ITM2B: variants seen among roughly 807,000 people sequenced by gnomAD.
ITM2B encodes integral membrane protein 2B.
In ITM2B, 11 loss-of-function variants were observed where a neutral mutation model predicts 27.8. That is an observed-to-expected ratio of 0.40 (90% CI 0.25 to 0.66). The LOEUF is 0.66. Among genes scored for constraint, ITM2B ranks in the 30% least tolerant of loss-of-function variants. The pLI is 0.43. For synonymous variants in ITM2B, 114 were observed against 114.3 expected, an observed-to-expected ratio of 1.00 and a Z score of 0.02; for missense variants, 296 against 328.9, an observed-to-expected ratio of 0.90 and a Z score of 0.77.
At chr13:48,253,169 A>G (rs543209931) in intron 1 of ITM2B, among the ~76,000 whole-genome samples, 1 of 152,286 alleles carries the variant, frequency 6.6e-6, no homozygotes, top group South Asian at 2.1e-4. Context: ...TTATCAGACC[A>G]TGGTTTAGGG....
intron 3 of ITM2B, among the ~76,000 whole-genome samples, chr13:48,256,765 T>G (rs1266629742): frequency 6.6e-6 from 1 of 152,238 alleles, no homozygotes; most frequent in Non-Finnish European, 1.5e-5. Context: ...TTTCCCCAGC[T>G]TTTGAGCATT....
At chr13:48,256,913 C>T (rs968623573) in intron 3 of ITM2B, among the ~76,000 whole-genome samples, 15 of 152,096 alleles carry the variant, frequency 9.9e-5, no homozygotes, top group African/African-American at 1.9e-4. Context: ...TGTCCTCCTA[C>T]GTAACCACAT....
chr13:48,250,122 T>A (rs1951745933), intron 1 of ITM2B, among the ~76,000 whole-genome samples: 1 of 152,196 alleles, frequency 6.6e-6, no homozygotes, highest in East Asian at 1.9e-4. Context: ...ACATTTGATT[T>A]CCCACAGGAT....
Position 48,256,801 on chromosome 13 carries a change from A to C in ITM2B, c.453+418A>C, listed in dbSNP as rs1347377869. Among the ~76,000 whole-genome samples the C allele has an allele frequency of 4.6e-5, 7 of 152,270 alleles. No homozygotes were observed. The South Asian group carries it at 8.3e-4, about 18-fold the overall frequency. On this transcript the variant is annotated intron_variant, in intron 3 of 5. Coordinates refer to ENST00000647800, the MANE Select transcript of ITM2B (RefSeq NM_021999.5). ...TTTATGTAATGCAGAAAAGTTGAAT[A>C]CCCAAAATCCTCCACTTTGTTCCAA... is the stretch of plus-strand genomic sequence containing the variant.
At chr13:48,250,024 G>A (rs558012943) in intron 1 of ITM2B, among the ~76,000 whole-genome samples, 6 of 152,112 alleles carry the variant, frequency 3.9e-5, no homozygotes, top group African/African-American at 9.6e-5. Flanking sequence ...TCCATGACTC[G>A]GATTGTATTA....
At position 48,270,196 on chromosome 13, in the gene ITM2B, C is replaced by A. The variant is rs1021040414; in HGVS notation, c.*8972C>A. 9 of 152,350 alleles carry A rather than the reference C, an allele frequency of 5.9e-5. No homozygotes were observed. Among genetic ancestry groups the A allele is most frequent in the African/African-American group, 2.2e-4 (9 of 41,566 alleles). The allele number at this position is 152,350 out of a possible 1,614,324, so 9.4% of individuals were successfully genotyped here. ...CTATGAGCATTGCTCCTTATCTATGCCTCTGCTCTTAGACTTTTCCATTCT... is the reference window on the plus strand; with the variant it reads ...CTATGAGCATTGCTCCTTATCTATGACTCTGCTCTTAGACTTTTCCATTCT... On this transcript the variant is annotated 3_prime_UTR_variant, in exon 6 of 6. Transcript: ENST00000647800.
intron 1 of ITM2B, among the ~76,000 whole-genome samples, chr13:48,253,266 GT>G (rs1367510322): frequency 6.6e-6 from 1 of 152,038 alleles, no homozygotes; most frequent in Non-Finnish European, 1.5e-5. Context: ...AATAATTTTA[GT>G]ATCATTGTTT....
Position 48,261,825 on chromosome 13 carries a change from A to C in ITM2B, c.*601A>C, listed in dbSNP as rs1951824873. The C allele has an allele frequency of 1.3e-5, 2 of 152,706 alleles. No homozygotes were observed. Among genetic ancestry groups the C allele is most frequent in the African/African-American group, 4.8e-5 (2 of 41,466 alleles). The allele number at this position is 152,706 out of a possible 1,614,324, so 9.5% of individuals were successfully genotyped here. A position where few individuals can be genotyped will look rare whatever the true frequency, so the allele number is the denominator to read the frequency against. On this transcript the variant is annotated 3_prime_UTR_variant, in exon 6 of 6. Coordinates refer to ENST00000647800, the MANE Select transcript of ITM2B (RefSeq NM_021999.5). ...AATAACTTGTGTTACTAATTTGTATAACCCATATCTGTGCAATGGAATATA... is the reference window on the plus strand; with the variant it reads ...AATAACTTGTGTTACTAATTTGTATCACCCATATCTGTGCAATGGAATATA...
At chr13:48,259,974 T>C (rs1046349950) in intron 5 of ITM2B, among the ~76,000 whole-genome samples, 1 of 152,056 alleles carries the variant, frequency 6.6e-6, no homozygotes, top group Non-Finnish European at 1.5e-5. Context: ...AATTAGGTAT[T>C]TCTCCTAATG....
rs1446033621 is a variant in ITM2B, at chr13:48,269,428, A to C, written c.*8204A>C. The C allele has an allele frequency of 6.6e-6, 1 of 152,180 alleles. No homozygotes were observed. The highest frequency in any genetic ancestry group is 2.4e-5 in the African/African-American group (1 of 41,432). The allele number at this position is 152,180 out of a possible 1,614,324, so 9.4% of individuals were successfully genotyped here. ...GAGCGATCTTTTCTAAATCTAAGCC[A>C]CATCATGTCACTCCCCTGCTCAAAT... On this transcript the variant is annotated 3_prime_UTR_variant, in exon 6 of 6. Coordinates refer to ENST00000647800, the MANE Select transcript of ITM2B (RefSeq NM_021999.5).
chr13:48,234,321 A>T (rs1488989516), intron 1 of ITM2B, among the ~76,000 whole-genome samples: 1 of 152,200 alleles, frequency 6.6e-6, no homozygotes, highest in Non-Finnish European at 1.5e-5. Flanking sequence ...TTAGTAGGTT[A>T]CGATCATATT....
intron 1 of ITM2B, 66 bp from the exon 2 acceptor site, chr13:48,253,742 C>A: frequency 6.8e-7 from 1 of 1,481,352 alleles, no homozygotes; most frequent in South Asian, 1.1e-5. Context: ...TAAGGTTTTT[C>A]TAGTCCTGAG....
rs147797026 is a variant in ITM2B at position 48,242,305 on chromosome 13, T to C, written c.117+8828T>C. ...AGAGAGGGTTCCTTAATTTTCTACATACTTACTGCTCATTCATTCCTCAGA... is the reference window on the plus strand; with the variant it reads ...AGAGAGGGTTCCTTAATTTTCTACACACTTACTGCTCATTCATTCCTCAGA... On this transcript the variant is annotated intron_variant, in intron 1 of 5. Coordinates refer to ENST00000647800, the MANE Select transcript of ITM2B (RefSeq NM_021999.5). 4.9e-3 allele frequency among the ~76,000 whole-genome samples: 746 copies of C among 152,318 alleles called. 9 individuals are homozygous for C. The highest frequency in any genetic ancestry group is 0.023 in the South Asian group (110 of 4,822).
intron 1 of ITM2B, among the ~76,000 whole-genome samples, chr13:48,242,464 G>T (rs1326008920): frequency 6.6e-6 from 1 of 150,990 alleles, no homozygotes; most frequent in South Asian, 2.1e-4. Flanking sequence ...TTCCAGACTG[G>T]TTGCACTCAT....
Position 48,263,445 on chromosome 13 carries a change from G to A in ITM2B, c.*2221G>A, listed in dbSNP as rs1951833234. On this transcript the variant is annotated 3_prime_UTR_variant, in exon 6 of 6. Coordinates refer to ENST00000647800, the MANE Select transcript of ITM2B (RefSeq NM_021999.5). The stretch of plus-strand genomic sequence containing the variant: ...TGCCATGCTGGAAACTGTGGTCTTG[G>A]TGTGGCATGGAAAAACCAGAGGGTG... 6.6e-6 allele frequency: 1 copy of A among 152,204 alleles called. No individual in the cohort carries two copies. The allele number at this position is 152,204 out of a possible 1,614,324, so 9.4% of individuals were successfully genotyped here.
intron 1 of ITM2B, among the ~76,000 whole-genome samples, chr13:48,241,471 C>CA (rs1299697015): frequency 1.3e-5 from 2 of 152,204 alleles, no homozygotes; most frequent in African/African-American, 4.8e-5. Flanking sequence ...CTCGGCCTCT[C>CA]AAAGTGCTGG....
At position 48,262,092 on chromosome 13, in the gene ITM2B, C is replaced by G. The variant is rs1316614890; in HGVS notation, c.*868C>G. On this transcript the variant is annotated 3_prime_UTR_variant, in exon 6 of 6. Coordinates refer to ENST00000647800, the MANE Select transcript of ITM2B (RefSeq NM_021999.5). Reference sequence around the variant, plus strand: ...TATTAAAGTAACATTTAAGCCTCAACCTTGAATGATGTTGTTTAATATAAA... The same window carrying G: ...TATTAAAGTAACATTTAAGCCTCAAGCTTGAATGATGTTGTTTAATATAAA... The G allele has an allele frequency of 6.6e-6, 1 of 152,024 alleles. No individual in the cohort carries two copies. Among genetic ancestry groups the G allele is most frequent in the Non-Finnish European group, 1.5e-5 (1 of 67,978 alleles). The allele number at this position is 152,024 out of a possible 1,614,324, so 9.4% of individuals were successfully genotyped here. A position where few individuals can be genotyped will look rare whatever the true frequency, so the allele number is the denominator to read the frequency against.
chr13:48,267,445 C>T lies in ITM2B; in HGVS notation c.*6221C>T, dbSNP rs954311594. ...AGATGAGCCTGTGAAATTTGAGAAT[C>T]CTTCATGTCTCTGGAATGAGTCCCT... On this transcript the variant is annotated 3_prime_UTR_variant, in exon 6 of 6. Coordinates refer to ENST00000647800, the MANE Select transcript of ITM2B (RefSeq NM_021999.5). The T allele has an allele frequency of 1.3e-5, 2 of 152,168 alleles. No individual in the cohort carries two copies. The highest frequency in any genetic ancestry group is 4.8e-5 in the African/African-American group (2 of 41,432). The allele number at this position is 152,168 out of a possible 1,614,324, so 9.4% of individuals were successfully genotyped here.
intron 1 of ITM2B, among the ~76,000 whole-genome samples, chr13:48,238,235 C>T (rs931633903): frequency 1.2e-4 from 19 of 152,028 alleles, no homozygotes; most frequent in Non-Finnish European, 1.8e-4. Context: ...TTAGTACTTA[C>T]AACACATATT....
Sources: gnomAD v4.1 joint callset for allele counts (sites outside exome capture counted in the v4.1 genomes callset) on GRCh38, gnomAD v4.1.1 for gene constraint, MANE v1.5 for transcripts, NCBI Gene and HGNC (gene_info 2026-07-23, HGNC 2026-07-21) for gene names.